Variants in RYR2 observed in about 807,000 individuals in gnomAD.
The protein encoded by RYR2 is cardiac muscle ryanodine receptor-calcium release channel.
A neutral mutation model predicts 601.1 loss-of-function variants in RYR2; 227 were observed. The ratio of observed to expected loss-of-function variants is 0.38; its 90% CI spans 0.34 to 0.42. RYR2 has a LOEUF of 0.42. Ranked by LOEUF, RYR2 falls within the 10% of genes least tolerant of loss-of-function variation. The pLI, the probability that RYR2 is intolerant of heterozygous loss-of-function variation, is 1.00. For missense variants in RYR2, 4,646 were observed against 6,156.5 expected (o/e 0.75, Z 8.21); for synonymous variants, 2,223 against 2,175.1 (o/e 1.02, Z -0.61).
Position 237,610,715 on chromosome 1 carries a change from C to A in RYR2, c.4684-47C>A. 2 of 1,466,826 alleles carry A rather than the reference C, an allele frequency of 1.4e-6. No individual in the cohort carries two copies. Among genetic ancestry groups the A allele is most frequent in the South Asian group, 1.3e-5 (1 of 79,502 alleles). 90.9% of individuals were successfully genotyped at this position (1,466,826 alleles called of 1,614,324 possible). A position where few individuals can be genotyped will look rare whatever the true frequency, so the allele number is the denominator to read the frequency against. On this transcript the variant is annotated intron_variant, in intron 35 of 104. Transcript: ENST00000366574. This position sits in a 1 kb window ranked among gnomAD's most constrained non-coding sequence, Gnocchi z 4.9. ...ATTCTAGTCATTACTTTGTGAACCCCAAGGGATGTTCTACATTTATTCTTT... is the reference window on the plus strand; with the variant it reads ...ATTCTAGTCATTACTTTGTGAACCCAAAGGGATGTTCTACATTTATTCTTT...
chr1:237,529,757 T>C (rs140585224), intron 24 of RYR2, among the ~76,000 whole-genome samples: 1 of 40,192 alleles, frequency 2.5e-5, no homozygotes, highest in Non-Finnish European at 5.5e-5. Flanking sequence ...AACAATAATA[T>C]CATACACACA....
In RYR2 at chr1:237,513,828, C is replaced by T. The variant is rs552693776; in HGVS notation, c.2822+2037C>T. 3.3e-5 allele frequency among the ~76,000 whole-genome samples: 5 copies of T among 152,274 alleles called. No individual in the cohort carries two copies. In the South Asian group the frequency reaches 8.3e-4, roughly 25 times the overall value. On this transcript the variant is annotated intron_variant, in intron 24 of 104. Transcript: ENST00000366574. ...AATGTTCACATAATGATGAAAACAC[C>T]TAAAGACCCATTTCTCAGAGTATAT...
intron 22 of RYR2, among the ~76,000 whole-genome samples, chr1:237,505,686 A>G (rs775623593): frequency 2.0e-5 from 3 of 152,216 alleles, no homozygotes; most frequent in Admixed American, 6.5e-5. Flanking sequence ...GATAACCTCT[A>G]TCAGGGAAAG....
intron 34 of RYR2, among the ~76,000 whole-genome samples, chr1:237,597,224 T>G (rs1192937603): frequency 6.6e-6 from 1 of 151,754 alleles, no homozygotes; most frequent in Admixed American, 6.6e-5. Flanking sequence ...TTAAGGAACA[T>G]ACAATATAGA....
At chr1:237,374,944 G>A (rs1361185984) in intron 7 of RYR2, 149 bp downstream of exon 7, 9 of 633,400 alleles carry the variant, frequency 1.4e-5, no homozygotes, top group Admixed American at 5.5e-5. Context: ...TCCTAGAAGG[G>A]GAAAGTGTAT....
chr1:237,448,825 A>G (rs1234784937), intron 14 of RYR2, among the ~76,000 whole-genome samples: 1 of 150,686 alleles, frequency 6.6e-6, no homozygotes, highest in African/African-American at 2.4e-5. Context: ...CACCTTTGGT[A>G]TTAGCATCCT....
chr1:237,343,334 T>C (rs1253562498), intron 3 of RYR2, among the ~76,000 whole-genome samples: 1 of 152,210 alleles, frequency 6.6e-6, no homozygotes, highest in Non-Finnish European at 1.5e-5. Context: ...AAACAGCAGC[T>C]AAACCAGCAA....
chr1:237,493,609 C>T (rs892492103), intron 19 of RYR2, among the ~76,000 whole-genome samples: 22 of 152,166 alleles, frequency 1.4e-4, no homozygotes, highest in East Asian at 1.4e-3. Context: ...CCCGCCACCA[C>T]GCCTGGCTAA....
At chr1:237,511,612 C>A in intron 23 of RYR2, 76 bp from the exon 24 acceptor site, 1 of 1,178,412 alleles carries the variant, frequency 8.5e-7, no homozygotes, top group Non-Finnish European at 1.2e-6. Context: ...CCTCCACTTT[C>A]TACCACACAG....
chr1:237,642,490 C>T (rs188699578), intron 47 of RYR2, among the ~76,000 whole-genome samples: 15 of 152,070 alleles, frequency 9.9e-5, no homozygotes, highest in South Asian at 2.1e-4. Context: ...AAAACATCAG[C>T]GAAACAAAGA....
At chr1:237,620,657 T>G (rs1488022744) in intron 38 of RYR2, among the ~76,000 whole-genome samples, 1 of 152,022 alleles carries the variant, frequency 6.6e-6, no homozygotes, top group Non-Finnish European at 1.5e-5. Context: ...AGTAGCTATG[T>G]TACATAAAGT....
chr1:237,165,155 A>C (rs1175426091), intron 1 of RYR2, among the ~76,000 whole-genome samples: 1 of 151,882 alleles, frequency 6.6e-6, no homozygotes, highest in African/African-American at 2.4e-5. Flanking sequence ...ATGGGGTCTC[A>C]CTATGTTGCC....
At chr1:237,105,425 A>G (rs12736282) in intron 1 of RYR2, among the ~76,000 whole-genome samples, 67,006 of 152,032 alleles carry the variant, frequency 0.44, 15,221 homozygotes, top group Middle Eastern at 0.49. Context: ...GGCTGGGCAC[A>G]ATGGCTTACA....
At chr1:237,171,840 G>T (rs1178156831) in intron 1 of RYR2, among the ~76,000 whole-genome samples, 1 of 152,196 alleles carries the variant, frequency 6.6e-6, no homozygotes, top group South Asian at 2.1e-4. Context: ...AGATTATGAA[G>T]CTCTGTGCTA....
At position 237,614,016 on chromosome 1, in the gene RYR2, T is replaced by C. The variant is rs546137870; in HGVS notation, c.4911-23T>C. 1 of 1,591,298 alleles carries C rather than the reference T, an allele frequency of 6.3e-7. No individual in the cohort carries two copies. Among genetic ancestry groups the C allele is most frequent in the Non-Finnish European group, 8.6e-7 (1 of 1,163,840 alleles). On this transcript the variant is annotated intron_variant, in intron 36 of 104. Coordinates refer to ENST00000366574, the MANE Select transcript of RYR2 (RefSeq NM_001035.3). This position sits in a 1 kb window ranked among gnomAD's most constrained non-coding sequence, Gnocchi z 4.3. ...AAAAATCATTCATTTCTAATCTTAC[T>C]ACCACTCTCCTCCCTTCTACAGATC... is the stretch of plus-strand genomic sequence containing the variant.
intron 1 of RYR2, among the ~76,000 whole-genome samples, chr1:237,181,037 G>T (rs1030097957): frequency 2.6e-5 from 4 of 151,810 alleles, no homozygotes; most frequent in Non-Finnish European, 5.9e-5. Context: ...AGGCTGGAGT[G>T]CAATGGCATG....
chr1:237,316,947 G>GA (rs1412109843), intron 2 of RYR2, among the ~76,000 whole-genome samples: 1 of 152,088 alleles, frequency 6.6e-6, no homozygotes, highest in Non-Finnish European at 1.5e-5. Context: ...AGCTTAGAGT[G>GA]AAGGGGGTTC....
chr1:237,785,499 A>G (rs1695477204), intron 90 of RYR2, among the ~76,000 whole-genome samples: 4 of 152,228 alleles, frequency 2.6e-5, no homozygotes, highest in Admixed American at 2.6e-4. Flanking sequence ...AAATTACCTT[A>G]AAAAGTTTAT....
At chr1:237,660,160 G>C (rs190490240) in intron 55 of RYR2, 86 bp downstream of exon 55, 7 of 678,928 alleles carry the variant, frequency 1.0e-5, no homozygotes, top group Admixed American at 4.1e-5. Flanking sequence ...ATATTAAAAT[G>C]TCTTCTTTAT....
Sources: allele counts gnomAD v4.1 joint callset (sites outside exome capture counted in the v4.1 genomes callset), GRCh38; gene constraint gnomAD v4.1.1; non-coding constraint Gnocchi (gnomAD v3.1); transcripts MANE v1.5; gene names NCBI Gene and HGNC (gene_info 2026-07-23, HGNC 2026-07-21).